The following ATRNL1 variants were observed in gnomAD, a reference collection of about 807,000 sequenced individuals.
ATRNL1 encodes the protein attractin like 1.
Under a neutral mutation model 182.7 loss-of-function variants are expected in ATRNL1, and 95 were observed. The ratio of observed to expected loss-of-function variants is 0.52; its 90% CI spans 0.44 to 0.62. ATRNL1 has a LOEUF of 0.62. Among genes scored for constraint, ATRNL1 ranks in the 20% least tolerant of loss-of-function variants. The pLI is 0.00. For missense variants in ATRNL1, 1,471 were observed against 1,679.5 expected, an observed-to-expected ratio of 0.88 and a Z score of 2.17; for synonymous variants, 576 against 568.3, an observed-to-expected ratio of 1.01 and a Z score of -0.19.
intron 5 of ATRNL1, among the ~76,000 whole-genome samples, chr10:115,138,043 G>A (rs903526215): frequency 6.6e-6 from 1 of 152,220 alleles, no homozygotes; most frequent in African/African-American, 2.4e-5. Flanking sequence ...CCTCATGCAA[G>A]TCTGAAATCC....
intron 24 of ATRNL1, among the ~76,000 whole-genome samples, chr10:115,497,278 C>T (rs782548888): frequency 2.7e-4 from 41 of 152,150 alleles, no homozygotes; most frequent in Non-Finnish European, 4.3e-4. Context: ...TATTGAAATC[C>T]GTAAATTCTA....
chr10:115,430,655 C>T (rs550891936), intron 21 of ATRNL1, among the ~76,000 whole-genome samples: 1 of 152,214 alleles, frequency 6.6e-6, no homozygotes, highest in African/African-American at 2.4e-5. Context: ...CACCCTCCTC[C>T]AATCCACAAA....
At chr10:115,848,863 C>T (rs972912933) in intron 28 of ATRNL1, among the ~76,000 whole-genome samples, 20 of 152,126 alleles carry the variant, frequency 1.3e-4, no homozygotes, top group African/African-American at 4.1e-4. Context: ...CTCTTCAATT[C>T]CCCTTAAGCA....
chr10:115,793,418 G>A (rs1182743749), intron 27 of ATRNL1, among the ~76,000 whole-genome samples: 1 of 152,024 alleles, frequency 6.6e-6, no homozygotes, highest in Non-Finnish European at 1.5e-5. Context: ...CTGTGTTAAA[G>A]CAGCCTCAAC....
intron 28 of ATRNL1, among the ~76,000 whole-genome samples, chr10:115,878,222 C>T (rs992220768): frequency 7.2e-5 from 11 of 152,236 alleles, no homozygotes; most frequent in Non-Finnish European, 1.5e-4. Context: ...TGGCCAGCCT[C>T]ACCATACTGG....
chr10:115,907,339 G>A (rs557421386), intron 28 of ATRNL1, among the ~76,000 whole-genome samples: 6 of 152,260 alleles, frequency 3.9e-5, no homozygotes, highest in South Asian at 2.1e-4. Context: ...CTTCCCTTTC[G>A]GTATGTGCTC....
At chr10:115,632,276 G>A (rs1858562923) in intron 26 of ATRNL1, among the ~76,000 whole-genome samples, 1 of 152,070 alleles carries the variant, frequency 6.6e-6, no homozygotes, top group South Asian at 2.1e-4. Context: ...TATGAGGTTG[G>A]CACTGAAAAG....
intron 26 of ATRNL1, among the ~76,000 whole-genome samples, chr10:115,642,636 G>A (rs1555030860): frequency 2.0e-5 from 3 of 152,018 alleles, no homozygotes; most frequent in Non-Finnish European, 4.4e-5. Flanking sequence ...GTAGAGACAG[G>A]GTTTCACCAT....
At chr10:115,439,175 C>T (rs538552544) in intron 21 of ATRNL1, among the ~76,000 whole-genome samples, 4 of 151,832 alleles carry the variant, frequency 2.6e-5, no homozygotes, top group East Asian at 1.9e-4. Context: ...TCATTCTCAA[C>T]GTCATCATGT....
At chr10:115,746,714 A>T (rs1238367407) in intron 27 of ATRNL1, among the ~76,000 whole-genome samples, 1 of 152,074 alleles carries the variant, frequency 6.6e-6, no homozygotes, top group Non-Finnish European at 1.5e-5. Flanking sequence ...AACAGGTTTT[A>T]ATTAAGAATA....
intron 11 of ATRNL1, among the ~76,000 whole-genome samples, chr10:115,266,324 C>A (rs1026711734): frequency 5.3e-5 from 8 of 151,658 alleles, no homozygotes; most frequent in Non-Finnish European, 1.5e-5. Context: ...AACTCGGTAT[C>A]TAATTTCAAA....
At chr10:115,381,684 T>C (rs1858019646) in intron 19 of ATRNL1, among the ~76,000 whole-genome samples, 1 of 152,056 alleles carries the variant, frequency 6.6e-6, no homozygotes, top group African/African-American at 2.4e-5. Context: ...TTTGATGGTA[T>C]CATTTGTAGC....
chr10:115,795,647 C>G (rs1280049401), intron 27 of ATRNL1, among the ~76,000 whole-genome samples: 1 of 152,114 alleles, frequency 6.6e-6, no homozygotes, highest in Admixed American at 6.6e-5. Flanking sequence ...TAAGGGGAAG[C>G]AAGTGCATCA....
At chr10:115,292,713 T>A (rs1175022358) in intron 15 of ATRNL1, among the ~76,000 whole-genome samples, 1 of 152,170 alleles carries the variant, frequency 6.6e-6, no homozygotes, top group Non-Finnish European at 1.5e-5. Context: ...TCCATTGTGG[T>A]CATGTAAGAT....
intron 2 of ATRNL1, among the ~76,000 whole-genome samples, chr10:115,121,274 A>G (rs1844718775): frequency 6.6e-6 from 1 of 152,102 alleles, no homozygotes; most frequent in African/African-American, 2.4e-5. Context: ...CGCCATGCGC[A>G]GCTAATTTTT....
chr10:115,262,826 T>C (rs1851447136), intron 10 of ATRNL1, among the ~76,000 whole-genome samples: 1 of 152,000 alleles, frequency 6.6e-6, no homozygotes, highest in Admixed American at 6.6e-5. Flanking sequence ...ATCAAACCAT[T>C]CATCAGATTG....
At chr10:115,445,709 T>G (rs2134462372) in intron 21 of ATRNL1, among the ~76,000 whole-genome samples, 1 of 102,214 alleles carries the variant, frequency 9.8e-6, no homozygotes, top group Middle Eastern at 5.1e-3. Flanking sequence ...CTGCACCATC[T>G]AATTTTGGAA....
rs540343688 is a variant in ATRNL1 at position 115,163,690 on chromosome 10, G to A, written c.1005-1868G>A. On this transcript the variant is annotated intron_variant, in intron 6 of 28. Transcript: ENST00000355044. ...CTGGATTTTGTACTTTTAATGGGCT[G>A]TAAAAAAATGAAGAATATGTGAGAC... is the stretch of plus-strand genomic sequence containing the variant. 5.9e-5 allele frequency among the ~76,000 whole-genome samples: 9 copies of A among 152,160 alleles called. No individual in the cohort carries two copies. The Middle Eastern group carries it at 0.024, about 403-fold the overall frequency.
chr10:115,829,236 A>G (rs1950506708), intron 27 of ATRNL1, among the ~76,000 whole-genome samples: 1 of 152,186 alleles, frequency 6.6e-6, no homozygotes, highest in Non-Finnish European at 1.5e-5. Flanking sequence ...GATTATTTCT[A>G]CTTTAGGAAA....
Sources: allele counts gnomAD v4.1 joint callset (sites outside exome capture counted in the v4.1 genomes callset), GRCh38; gene constraint gnomAD v4.1.1; transcripts MANE v1.5; gene names NCBI Gene and HGNC (gene_info 2026-07-23, HGNC 2026-07-21).